The following PSD variants were observed in gnomAD, a reference collection of about 807,000 sequenced individuals.
PSD encodes pleckstrin and Sec7 domain containing, also known as PH and SEC7 domain-containing protein 1.
A neutral mutation model predicts 91.6 loss-of-function variants in PSD; 32 were observed. That is an observed-to-expected ratio of 0.35 (90% CI 0.26 to 0.47). The LOEUF (loss-of-function observed/expected upper bound fraction) is 0.47. PSD is among the 20% of genes least tolerant of loss of function. PSD has a pLI of 1.00. For missense variants in PSD, 1,099 were observed against 1,373.9 expected (o/e 0.80, Z 3.16); for synonymous variants, 532 against 569.3 (o/e 0.93, Z 0.93).
chr10:102,412,580 C>G lies in PSD; in HGVS notation c.1554-5G>C. The G allele has an allele frequency of 6.2e-7, 1 of 1,606,158 alleles. No individual in the cohort carries two copies. Among genetic ancestry groups the G allele is most frequent in the African/African-American group, 1.3e-5 (1 of 74,888 alleles). On this transcript the variant is annotated splice_region_variant and splice_polypyrimidine_tract_variant and intron_variant, in intron 5 of 16. Transcript: ENST00000020673. ...AGCTGGCTCAGGGGTGGTTCGCTGC[C>G]GGGGTAGAACACCAGCTCAGGCTGG... is the stretch of plus-strand genomic sequence containing the variant.
In PSD at chr10:102,413,777, G is replaced by T; in HGVS notation, c.1545C>A (p.Pro515=). ...CAAAAGGAATTACTTACCTGCCAAG[G>T]GGTGCTGCCCCCAGCCCAAGGCTGT... ...SEDSLGLGAA[P]LGSEPPLSQL... The change falls in exon 5 of 17, where the codon CCC becomes CCA. Residue 515 remains proline, a synonymous_variant. Transcript: ENST00000020673. 1 of 1,608,106 alleles carries T rather than the reference G, an allele frequency of 6.2e-7. No individual in the cohort carries two copies.
Position 102,404,441 on chromosome 10 carries a change from A to G in PSD, c.2700+142T>C. 9.1e-7 allele frequency: 1 copy of G among 1,100,294 alleles called. No individual in the cohort carries two copies. 68.2% of individuals were successfully genotyped at this position (1,100,294 alleles called of 1,614,324 possible). The stretch of plus-strand genomic sequence containing the variant: ...GCAAGCGGGACCCAGTGGGGGCTGG[A>G]TTTCAGTCCCTGCTCACCCCTGTGG... On this transcript the variant is annotated intron_variant, in intron 15 of 16. Coordinates refer to ENST00000020673, the MANE Select transcript of PSD (RefSeq NM_002779.5). The surrounding 1 kb of genome is among the most constrained non-coding windows in gnomAD (Gnocchi z 5.7).
Position 102,403,811 on chromosome 10 carries a change from T to C in PSD, c.2844+31A>G. 6.2e-7 allele frequency: 1 copy of C among 1,600,842 alleles called. No individual in the cohort carries two copies. The highest frequency in any genetic ancestry group is 1.7e-4 in the Middle Eastern group (1 of 6,006). On this transcript the variant is annotated intron_variant, in intron 16 of 16. Coordinates refer to ENST00000020673, the MANE Select transcript of PSD (RefSeq NM_002779.5). This position sits in a 1 kb window ranked among gnomAD's most constrained non-coding sequence, Gnocchi z 6.7. The stretch of plus-strand genomic sequence containing the variant: ...CTTCACCCTAGTATGGGCCTGCGTG[T>C]GTGGACAGAGGGGCAGACAGGGAGG...
chr10:102,409,289 A>G lies in PSD; in HGVS notation c.2091+1569T>C. The stretch of plus-strand genomic sequence containing the variant: ...GCGCTGTCTGCTCTGCGGCTTGGCT[A>G]GAGCGGGAGGGGGGCGCCGACGGGA... On this transcript the variant is annotated intron_variant, in intron 10 of 16. Coordinates refer to ENST00000020673, the MANE Select transcript of PSD (RefSeq NM_002779.5). The surrounding 1 kb of genome is among the most constrained non-coding windows in gnomAD (Gnocchi z 5.7). The G allele has an allele frequency of 1.0e-6, 1 of 985,424 alleles. No homozygotes were observed. The highest frequency in any genetic ancestry group is 6.2e-5 in the Admixed American group (1 of 16,242). The allele number at this position is 985,424 out of a possible 1,614,324, so 61.0% of individuals were successfully genotyped here.
Position 102,413,775 on chromosome 10 carries a change from A to G in PSD, c.1547T>C (p.Leu516Pro). Residue 516 changes from leucine (L) to proline (P), a missense_variant, in exon 5 of 17, where the codon CTT becomes CCT. Transcript: ENST00000020673. ...EDSLGLGAAP[L>P]GSEPPLSQLV... ...GACAAAAGGAATTACTTACCTGCCA[A>G]GGGGTGCTGCCCCCAGCCCAAGGCT... 1 of 1,607,674 alleles carries G rather than the reference A, an allele frequency of 6.2e-7. No individual in the cohort carries two copies. The highest frequency in any genetic ancestry group is 8.5e-7 in the Non-Finnish European group (1 of 1,175,764).
In PSD at chr10:102,413,159, G is replaced by A. The variant is rs1187179570; in HGVS notation, c.1554-584C>T. Among the ~76,000 whole-genome samples, 6 of 152,126 alleles carry A rather than the reference G, an allele frequency of 3.9e-5. No individual in the cohort carries two copies. The South Asian group carries it at 8.3e-4, about 21-fold the overall frequency. ...CTTTCCTCCCCTTCCCACCCCAGCT[G>A]CTCTACTCGCAAAGCCACCTGTCAG... On this transcript the variant is annotated intron_variant, in intron 5 of 16. Transcript: ENST00000020673.
At chr10:102,417,702 T>A (rs2061498360) in intron 1 of PSD, among the ~76,000 whole-genome samples, 2 of 125,024 alleles carry the variant, frequency 1.6e-5, no homozygotes, top group Non-Finnish European at 3.2e-5. Flanking sequence ...GAAAGGGACA[T>A]TCTTCTTTTT....
At chr10:102,418,841 G>T (rs1271352651), upstream of PSD, 9 of 380,222 alleles carry the variant, frequency 2.4e-5, no homozygotes, top group East Asian at 7.7e-4. Context: ...CGCCGCTCAG[G>T]CAACGCTAAT....
At position 102,403,441 on chromosome 10, in the gene PSD, G is replaced by C. The variant is rs747499744; in HGVS notation, c.2845-11C>G. 2 of 1,594,560 alleles carry C rather than the reference G, an allele frequency of 1.3e-6. No homozygotes were observed. Among genetic ancestry groups the C allele is most frequent in the African/African-American group, 2.7e-5 (2 of 74,832 alleles). ...GCTGTAGCGGGATTTCTGAGGCAGA[G>C]GGGCAGGGGCTGTGAGAGCCTCTTC... On this transcript the variant is annotated splice_polypyrimidine_tract_variant and intron_variant, in intron 16 of 16. Transcript: ENST00000020673. The surrounding 1 kb of genome is among the most constrained non-coding windows in gnomAD (Gnocchi z 6.7).
rs911390587 is a variant in PSD, at chr10:102,410,437, G to C, written c.2091+421C>G. Among the ~76,000 whole-genome samples the C allele has an allele frequency of 1.1e-4, 17 of 152,362 alleles. No individual in the cohort carries two copies. Among genetic ancestry groups the C allele is most frequent in the Non-Finnish European group, 1.6e-4 (11 of 68,022 alleles). On this transcript the variant is annotated intron_variant, in intron 10 of 16. Transcript: ENST00000020673. This position sits in a 1 kb window ranked among gnomAD's most constrained non-coding sequence, Gnocchi z 6.0. ...CGGGTTCCTGCAGCGCAGCAGCACC[G>C]GGAAGGTCTTTTTGGCTGTCCACGC...
intron 11 of PSD, among the ~76,000 whole-genome samples, chr10:102,406,515 T>C (rs957956027): frequency 2.6e-5 from 4 of 150,974 alleles, no homozygotes; most frequent in Admixed American, 1.3e-4. Context: ...TTTCTTTTTT[T>C]TTTTTTTTTT....
rs760955788 is a variant in PSD, at chr10:102,415,118, G to A, written c.869C>T (p.Thr290Met). Residue 290 changes from threonine to methionine, a missense_variant, in exon 4 of 17, where the codon ACG (threonine) becomes ATG (methionine). Physicochemically the swap from Thr to Met is moderately conservative, Grantham distance 81 (BLOSUM62 -1). This residue lies in a region of PSD where 631 missense variants were observed against 728.8 expected (regional missense o/e 0.87). Transcript: ENST00000020673. ...AAKYSETDLD[T>M]VPLRCYRETD... Reference sequence around the variant, plus strand: ...CTCGCGGTAGCACCTCAGGGGCACCGTGTCCAGGTCTGTCTCGGAGTACTT... The same window carrying A: ...CTCGCGGTAGCACCTCAGGGGCACCATGTCCAGGTCTGTCTCGGAGTACTT... 5.0e-6 allele frequency: 8 copies of A among 1,613,724 alleles called. No homozygotes were observed. The highest frequency in any genetic ancestry group is 3.3e-5 in the South Asian group (3 of 91,086).
chr10:102,410,354 G>C lies in PSD; in HGVS notation c.2091+504C>G, dbSNP rs1275799901. ...GAAAGCAGTTTCTAGCTCCAGCTTTGCGCTAACTCGCTGCCAGACCTTGGA... is the reference window on the plus strand; with the variant it reads ...GAAAGCAGTTTCTAGCTCCAGCTTTCCGCTAACTCGCTGCCAGACCTTGGA... On this transcript the variant is annotated intron_variant, in intron 10 of 16. Transcript: ENST00000020673. The surrounding 1 kb of genome is among the most constrained non-coding windows in gnomAD (Gnocchi z 6.0). Among the ~76,000 whole-genome samples the C allele has an allele frequency of 6.6e-6, 1 of 152,230 alleles. No individual in the cohort carries two copies. Among genetic ancestry groups the C allele is most frequent in the Non-Finnish European group, 1.5e-5 (1 of 68,042 alleles).
Position 102,414,228 on chromosome 10 carries a change from G to A in PSD, c.1125-31C>T. 6 of 1,562,022 alleles carry A rather than the reference G, an allele frequency of 3.8e-6. No homozygotes were observed. Among genetic ancestry groups the A allele is most frequent in the Non-Finnish European group, 5.2e-6 (6 of 1,149,986 alleles). On this transcript the variant is annotated intron_variant, in intron 4 of 16. Coordinates refer to ENST00000020673, the MANE Select transcript of PSD (RefSeq NM_002779.5). This position sits in a 1 kb window ranked among gnomAD's most constrained non-coding sequence, Gnocchi z 5.6. ...GGGGCAGGGAGAATCTCTGATTAGG[G>A]GCCCAGATCACAGGGCTGGGGCAGG...
At chr10:102,418,527 G>A (rs1389669345) in intron 1 of PSD, among the ~76,000 whole-genome samples, 174 bp downstream of exon 1, 1 of 152,120 alleles carries the variant, frequency 6.6e-6, no homozygotes, top group Non-Finnish European at 1.5e-5. Context: ...CTCCCCAGGG[G>A]TAAGACAGAT....
rs940397179 is a variant in PSD at position 102,409,847 on chromosome 10, C to T, written c.2091+1011G>A. 6.6e-6 allele frequency among the ~76,000 whole-genome samples: 1 copy of T among 152,110 alleles called. No individual in the cohort carries two copies. Among genetic ancestry groups the T allele is most frequent in the African/African-American group, 2.4e-5 (1 of 41,400 alleles). On this transcript the variant is annotated intron_variant, in intron 10 of 16. Transcript: ENST00000020673. The surrounding 1 kb of genome is among the most constrained non-coding windows in gnomAD (Gnocchi z 5.7). ...GGCATATGGCATACCTCAGACACGG[C>T]CAATTCGAAGATGTAAACCCCACCA...
rs1036821726 is a variant in PSD, at chr10:102,403,636, C to T, written c.2844+206G>A. 1.3e-5 allele frequency among the ~76,000 whole-genome samples: 2 copies of T among 152,198 alleles called. No individual in the cohort carries two copies. Among genetic ancestry groups the T allele is most frequent in the Non-Finnish European group, 2.9e-5 (2 of 68,034 alleles). The stretch of plus-strand genomic sequence containing the variant: ...AATGTGTCTTGAGCCTTTACTAGAG[C>T]TGGGGAAATGGCACGCTTGAGACAT... On this transcript the variant is annotated intron_variant, in intron 16 of 16. Coordinates refer to ENST00000020673, the MANE Select transcript of PSD (RefSeq NM_002779.5). The surrounding 1 kb of genome is among the most constrained non-coding windows in gnomAD (Gnocchi z 6.7).
Position 102,405,217 on chromosome 10 carries a change from C to A in PSD, c.2363G>T (p.Gly788Val), listed in dbSNP as rs1177802264. 6.2e-7 allele frequency: 1 copy of A among 1,611,050 alleles called. No individual in the cohort carries two copies. The highest frequency in any genetic ancestry group is 1.7e-5 in the Admixed American group (1 of 60,022). The change falls in exon 13 of 17, where the codon GGG becomes GTG. Residue 788 changes from glycine (G) to valine (V), a missense_variant. By Grantham distance (109) the Gly-to-Val change is moderately radical (BLOSUM62 -3). Transcript: ENST00000020673. This position sits in a 1 kb window ranked among gnomAD's most constrained non-coding sequence, Gnocchi z 5.4. The part of the protein sequence containing the change: ...RGKRGWKSFH[G>V]ILKGMILYLQ... ...GTAGAGGATCATGCCCTTGAGGATCCCGTGGAAGCTCTTCCAGCCCCGCTT... is the reference window on the plus strand; with the variant it reads ...GTAGAGGATCATGCCCTTGAGGATCACGTGGAAGCTCTTCCAGCCCCGCTT...
In PSD at chr10:102,404,898, G is replaced by A. The variant is rs1303828785; in HGVS notation, c.2555C>T (p.Pro852Leu). ...ADWRVFLFQA[P>L]SLEQMQSWIT... ...GGATGGGCAGGAGGAGGGCACTCAC[G>A]GGGCCTGGAAGAGGAAGACCCGCCA... The change falls in exon 14 of 17, where the codon CCG becomes CTG. Residue 852 changes from proline (P) to leucine (L), a missense_variant and splice_region_variant. Transcript: ENST00000020673. This position sits in a 1 kb window ranked among gnomAD's most constrained non-coding sequence, Gnocchi z 5.7. 21 of 1,612,350 alleles carry A rather than the reference G, an allele frequency of 1.3e-5. No homozygotes were observed. The highest frequency in any genetic ancestry group is 1.7e-5 in the Non-Finnish European group (20 of 1,179,246).
Sources: allele counts gnomAD v4.1 joint callset (sites outside exome capture counted in the v4.1 genomes callset), GRCh38; gene constraint gnomAD v4.1.1; regional missense constraint gnomAD v4.1.1; non-coding constraint Gnocchi (gnomAD v3.1); transcripts MANE v1.5; gene names NCBI Gene and HGNC (gene_info 2026-07-23, HGNC 2026-07-21).